The following ADAM32 variants were observed in gnomAD, a reference collection of about 807,000 sequenced individuals.
The protein encoded by ADAM32 is ADAM metallopeptidase domain 32.
In ADAM32, 89 loss-of-function variants were observed where a neutral mutation model predicts 114.9. The observed-to-expected ratio is 0.77, with a 90% CI of 0.65 to 0.92. The LOEUF is 0.92. ADAM32 is among the 40% of genes least tolerant of loss of function. The pLI is 0.00. For missense variants in ADAM32, 870 were observed against 932.8 expected (o/e 0.93, Z 0.88); for synonymous variants, 285 against 307.5 (o/e 0.93, Z 0.77).
At chr8:39,175,672 C>T (rs768286163) in intron 10 of ADAM32, among the ~76,000 whole-genome samples, 1 of 152,112 alleles carries the variant, frequency 6.6e-6, no homozygotes, top group South Asian at 2.1e-4. Context: ...GTTTTGGTAT[C>T]AGGATGACGC....
chr8:39,144,033 A>C (rs1429464450), intron 3 of ADAM32, among the ~76,000 whole-genome samples: 3 of 152,256 alleles, frequency 2.0e-5, no homozygotes, highest in Non-Finnish European at 4.4e-5. Flanking sequence ...TGAGGCAGAC[A>C]CAGGAGGGTA....
At chr8:39,115,067 T>C (rs532407432) in intron 1 of ADAM32, among the ~76,000 whole-genome samples, 2 of 152,342 alleles carry the variant, frequency 1.3e-5, no homozygotes, top group East Asian at 3.9e-4. Flanking sequence ...TTTATGGCTG[T>C]ATAGTATTCC....
chr8:39,211,189 C>T lies in ADAM32; in HGVS notation c.1098C>T (p.Ser366=), dbSNP rs750666831. 1 of 1,604,556 alleles carries T rather than the reference C, an allele frequency of 6.2e-7. No homozygotes were observed. Among genetic ancestry groups the T allele is most frequent in the Non-Finnish European group, 8.5e-7 (1 of 1,176,310 alleles). ...CTTTTAGCAGTTGCAGTTTGAGGAGCTTTCAAAATTTCATTTCAAATGTGG... is the reference window on the plus strand; with the variant it reads ...CTTTTAGCAGTTGCAGTTTGAGGAGTTTTCAAAATTTCATTTCAAATGTGG... ...VKTFSSCSLR[S]FQNFISNVGV... The change falls in exon 12 of 25, where the codon AGC becomes AGT. Residue 366 remains serine, a synonymous_variant. Coordinates refer to ENST00000379907, the MANE Select transcript of ADAM32 (RefSeq NM_145004.7).
At chr8:39,148,313 A>G (rs1486486287) in intron 4 of ADAM32, among the ~76,000 whole-genome samples, 1 of 152,006 alleles carries the variant, frequency 6.6e-6, no homozygotes, top group African/African-American at 2.4e-5. Context: ...CCTTTCAAAG[A>G]CTTCATACTT....
chr8:39,238,135 A>C (rs959834087), intron 16 of ADAM32, among the ~76,000 whole-genome samples: 1 of 152,248 alleles, frequency 6.6e-6, no homozygotes, highest in African/African-American at 2.4e-5. Context: ...AAACCAGTGC[A>C]CTAAACAAGA....
intron 9 of ADAM32, chr8:39,165,958 T>C (rs886893735): frequency 6.6e-6 from 1 of 152,214 alleles, no homozygotes; most frequent in African/African-American, 2.4e-5. Flanking sequence ...CATTTGTATC[T>C]GTCCTTCTGT....
intron 11 of ADAM32, among the ~76,000 whole-genome samples, chr8:39,203,527 C>T (rs1283428384): frequency 6.6e-6 from 1 of 152,142 alleles, no homozygotes; most frequent in Non-Finnish European, 1.5e-5. Context: ...ATGTGTGTCT[C>T]TGCATGGGAG....
rs61753547 is a variant in ADAM32 at position 39,232,136 on chromosome 8, G to A, written c.1634+1G>A. On this transcript the variant is annotated splice_donor_variant, in intron 15 of 24. Coordinates refer to ENST00000379907, the MANE Select transcript of ADAM32 (RefSeq NM_145004.7). LOFTEE classifies it high-confidence loss of function. Reference sequence around the variant, plus strand: ...ACAAATATGTGTTCTGTGGATGGAGGTATGCTCTACAAATATAAATGATAC... The same window carrying A: ...ACAAATATGTGTTCTGTGGATGGAGATATGCTCTACAAATATAAATGATAC... The A allele has an allele frequency of 2.7e-5, 42 of 1,578,998 alleles. No homozygotes were observed. In the Middle Eastern group the frequency reaches 5.0e-4, roughly 19 times the overall value.
At chr8:39,206,390 G>A (rs894784013) in intron 11 of ADAM32, among the ~76,000 whole-genome samples, 2 of 152,186 alleles carry the variant, frequency 1.3e-5, no homozygotes, top group Non-Finnish European at 2.9e-5. Context: ...AGCAGTGGTG[G>A]CAGTTGGTAG....
At chr8:39,154,374 C>CT (rs1443591826) in intron 6 of ADAM32, among the ~76,000 whole-genome samples, 3 of 152,076 alleles carry the variant, frequency 2.0e-5, no homozygotes, top group African/African-American at 4.8e-5. Context: ...TGAACTCATC[C>CT]TTTTTTATGG....
In ADAM32 at chr8:39,208,659, G is replaced by A. The variant is rs1003866364; in HGVS notation, c.1053-2485G>A. ...TTCATTTTTAAGGATAGTTTTCCTG[G>A]GTACAATATTCTTGGTTGAAAGTTT... On this transcript the variant is annotated intron_variant, in intron 11 of 24. Coordinates refer to ENST00000379907, the MANE Select transcript of ADAM32 (RefSeq NM_145004.7). 2.0e-5 allele frequency among the ~76,000 whole-genome samples: 3 copies of A among 152,058 alleles called. No homozygotes were observed. In the East Asian group the frequency reaches 5.8e-4, roughly 29 times the overall value.
rs573316331 is a variant in ADAM32 at position 39,124,463 on chromosome 8, G to T, written c.138+6298G>T. ...GACGGAGTCTTGCTCTGTCGACCAGGCTGGAGTGCAGTGATGTGATCTCTG... is the reference window on the plus strand; with the variant it reads ...GACGGAGTCTTGCTCTGTCGACCAGTCTGGAGTGCAGTGATGTGATCTCTG... On this transcript the variant is annotated intron_variant, in intron 2 of 24. Transcript: ENST00000379907. Among the ~76,000 whole-genome samples the T allele has an allele frequency of 9.3e-5, 14 of 150,306 alleles. No homozygotes were observed. The South Asian group carries it at 2.9e-3, about 32-fold the overall frequency.
At chr8:39,216,081 C>T (rs1318767391) in intron 12 of ADAM32, among the ~76,000 whole-genome samples, 3 of 152,090 alleles carry the variant, frequency 2.0e-5, no homozygotes, top group Middle Eastern at 3.4e-3. Context: ...CTGGGTGCTC[C>T]AGTGTTGGGT....
chr8:39,218,772 C>T (rs894698156), intron 12 of ADAM32, among the ~76,000 whole-genome samples: 8 of 152,034 alleles, frequency 5.3e-5, no homozygotes, highest in Admixed American at 5.2e-4. Context: ...AGTGGGCTCC[C>T]CTCTGTCCCA....
chr8:39,219,475 A>G (rs1341738122), intron 12 of ADAM32, among the ~76,000 whole-genome samples: 1 of 152,180 alleles, frequency 6.6e-6, no homozygotes, highest in Non-Finnish European at 1.5e-5. Flanking sequence ...GCTGGTTTAT[A>G]TGCCCCCTCT....
chr8:39,119,894 G>T (rs1471644534), intron 2 of ADAM32, among the ~76,000 whole-genome samples: 1 of 152,102 alleles, frequency 6.6e-6, no homozygotes, highest in Admixed American at 6.6e-5. Context: ...CCTTATGGAG[G>T]TAATTAAGGT....
intron 4 of ADAM32, among the ~76,000 whole-genome samples, chr8:39,149,115 T>C (rs1246858128): frequency 3.3e-5 from 5 of 152,218 alleles, no homozygotes; most frequent in Non-Finnish European, 7.4e-5. Context: ...TTCTGAACAC[T>C]TGATCTATCA....
At chr8:39,211,046 C>T in intron 11 of ADAM32, 98 bp from the exon 12 acceptor site, 2 of 1,066,418 alleles carry the variant, frequency 1.9e-6, no homozygotes, top group East Asian at 3.1e-5. Context: ...ACATTTGTAA[C>T]AGCCAATTGA....
intron 6 of ADAM32, among the ~76,000 whole-genome samples, chr8:39,156,963 T>C (rs749128486): frequency 4.6e-5 from 7 of 152,212 alleles, no homozygotes; most frequent in Non-Finnish European, 7.3e-5. Context: ...TGGCCTATAA[T>C]AAGCAGGCAA....
Sources: allele counts gnomAD v4.1 joint callset (sites outside exome capture counted in the v4.1 genomes callset), GRCh38; gene constraint gnomAD v4.1.1; transcripts MANE v1.5; gene names NCBI Gene and HGNC (gene_info 2026-07-23, HGNC 2026-07-21).